The following NAALADL2 variants were observed in gnomAD, a reference collection of about 807,000 sequenced individuals.
NAALADL2 encodes inactive N-acetylated-alpha-linked acidic dipeptidase-like protein 2.
NAALADL2 carries 76 observed loss-of-function variants against 87.2 expected under a neutral mutation model. The observed-to-expected ratio is 0.87, with a 90% CI of 0.72 to 1.05. The LOEUF is 1.05. NAALADL2 is among the 50% of genes least tolerant of loss of function. The pLI, the probability that NAALADL2 is intolerant of heterozygous loss-of-function variation, is 0.00. For missense variants in NAALADL2, 1,089 were observed against 945.8 expected (o/e 1.15, Z -1.99); for synonymous variants, 354 against 331.0 (o/e 1.07, Z -0.75).
intron 3 of NAALADL2, among the ~76,000 whole-genome samples, chr3:175,238,079 C>T (rs1307103596): frequency 6.6e-6 from 1 of 151,568 alleles, no homozygotes; most frequent in East Asian, 1.9e-4. Context: ...TAAAATATTC[C>T]TGTGTAACCA....
chr3:175,113,614 C>T (rs1724574563), intron 2 of NAALADL2, among the ~76,000 whole-genome samples: 1 of 151,410 alleles, frequency 6.6e-6, no homozygotes, highest in Admixed American at 6.6e-5. Flanking sequence ...GAGTTTATCA[C>T]AGAAGAGCAA....
Position 175,234,206 on chromosome 3 carries a change from T to A in NAALADL2, c.819+2T>A. On this transcript the variant is annotated splice_donor_variant, in intron 3 of 13. Coordinates refer to ENST00000454872, the MANE Select transcript of NAALADL2 (RefSeq NM_207015.3). LOFTEE classifies it high-confidence loss of function. ...TATTCTGCCAAAGGAACTCTCAAGG[T>A]AATATGACCATTTGTCTCTGTCATT... The A allele has an allele frequency of 1.2e-6, 2 of 1,612,324 alleles. No individual in the cohort carries two copies. The highest frequency in any genetic ancestry group is 1.1e-5 in the South Asian group (1 of 90,918).
intron 2 of NAALADL2, among the ~76,000 whole-genome samples, chr3:175,154,585 ACT>A (rs1732027142): frequency 6.6e-6 from 1 of 152,136 alleles, no homozygotes; most frequent in African/African-American, 2.4e-5. Flanking sequence ...ATGTAAGAAC[ACT>A]GTGTGTATAC....
chr3:175,789,425 A>AT (rs1752513069), intron 13 of NAALADL2, among the ~76,000 whole-genome samples: 1 of 152,172 alleles, frequency 6.6e-6, no homozygotes, highest in Non-Finnish European at 1.5e-5. Context: ...ATCTTAATGT[A>AT]TTTTATACAA....
intron 5 of NAALADL2, among the ~76,000 whole-genome samples, chr3:175,439,731 C>CTTT (rs535237866): frequency 8.8e-6 from 1 of 113,782 alleles, no homozygotes; most frequent in East Asian, 2.7e-4. Flanking sequence ...GTTTTTTTTT[C>CTTT]TTTTTTTTCT....
intron 5 of NAALADL2, among the ~76,000 whole-genome samples, chr3:175,421,661 T>C (rs1159657967): frequency 2.0e-5 from 3 of 152,106 alleles, no homozygotes; most frequent in East Asian, 3.9e-4. Flanking sequence ...ATAGCCATAC[T>C]TTTTTGTTAC....
chr3:175,401,353 C>T (rs944770645), intron 5 of NAALADL2, among the ~76,000 whole-genome samples: 33 of 152,042 alleles, frequency 2.2e-4, no homozygotes, highest in African/African-American at 7.7e-4. Context: ...AACTCTTACT[C>T]AAAATGTTAG....
chr3:175,075,061 A>G (rs1263508203), intron 1 of NAALADL2, among the ~76,000 whole-genome samples: 1 of 152,152 alleles, frequency 6.6e-6, no homozygotes, highest in Non-Finnish European at 1.5e-5. Flanking sequence ...ACACTAATAT[A>G]TGCCAAGCAC....
At chr3:175,509,276 G>A (rs1020863581) in intron 9 of NAALADL2, among the ~76,000 whole-genome samples, 1 of 152,040 alleles carries the variant, frequency 6.6e-6, no homozygotes, top group Admixed American at 6.5e-5. Flanking sequence ...CCATCCTCAG[G>A]TGCCCCACAA....
chr3:175,423,401 T>A (rs1189835217), intron 5 of NAALADL2, among the ~76,000 whole-genome samples: 1 of 150,700 alleles, frequency 6.6e-6, no homozygotes, highest in Non-Finnish European at 1.5e-5. Context: ...TATCTCCTAA[T>A]GCTATCCCTC....
chr3:175,168,676 GT>G (rs1734340444), intron 2 of NAALADL2, among the ~76,000 whole-genome samples: 3 of 151,432 alleles, frequency 2.0e-5, no homozygotes, highest in African/African-American at 7.3e-5. Flanking sequence ...TATCTTTTTT[GT>G]TTTTATTTTT....
At chr3:175,067,362 A>G (rs148756379) in intron 1 of NAALADL2, among the ~76,000 whole-genome samples, 69 of 152,266 alleles carry the variant, frequency 4.5e-4, no homozygotes, top group Non-Finnish European at 8.1e-4. Context: ...CAGGACTAAT[A>G]TCTAGATTTC....
At chr3:174,955,035 G>A (rs919881735) in intron 1 of NAALADL2, among the ~76,000 whole-genome samples, 2 of 152,008 alleles carry the variant, frequency 1.3e-5, no homozygotes, top group Non-Finnish European at 2.9e-5. Flanking sequence ...GTAATTCAGA[G>A]TAAAATTCAT....
rs551259634 is a variant in NAALADL2 at position 174,647,617 on chromosome 3, C to T, written c.-114-90024C>T. On this transcript the variant is annotated intron_variant, in intron 2 of 3. Coordinates refer to the NAALADL2 transcript ENST00000434257. ...GCAAGACATATCTGAGAGCCAGTGCCATGGCCAATTTACACTGGGTGTGGG... is the reference window on the plus strand; with the variant it reads ...GCAAGACATATCTGAGAGCCAGTGCTATGGCCAATTTACACTGGGTGTGGG... Among the ~76,000 whole-genome samples the T allele has an allele frequency of 3.3e-5, 5 of 152,306 alleles. No homozygotes were observed. In the South Asian group the frequency reaches 1.0e-3, roughly 32 times the overall value.
Position 174,998,793 on chromosome 3 carries a change from C to T in NAALADL2, c.44-97997C>T, listed in dbSNP as rs1015475905. ...TTTTTAAGAATGATTTGCTCCATTCCAGGCAAAACCTATATTTTAATCTAT... is the reference window on the plus strand; with the variant it reads ...TTTTTAAGAATGATTTGCTCCATTCTAGGCAAAACCTATATTTTAATCTAT... On this transcript the variant is annotated intron_variant, in intron 1 of 13. Coordinates refer to ENST00000454872, the MANE Select transcript of NAALADL2 (RefSeq NM_207015.3). Among the ~76,000 whole-genome samples, 11 of 152,210 alleles carry T rather than the reference C, an allele frequency of 7.2e-5. No individual in the cohort carries two copies. In the East Asian group the frequency reaches 1.4e-3, roughly 19 times the overall value.
chr3:175,747,710 C>A (rs1408362367), intron 12 of NAALADL2, among the ~76,000 whole-genome samples: 1 of 151,624 alleles, frequency 6.6e-6, no homozygotes, highest in Admixed American at 6.6e-5. Context: ...ATTAAATATA[C>A]AATTTCAACT....
chr3:175,330,366 C>G (rs923428750), intron 5 of NAALADL2, among the ~76,000 whole-genome samples: 3 of 151,832 alleles, frequency 2.0e-5, no homozygotes, highest in Non-Finnish European at 4.4e-5. Flanking sequence ...ATCACTTGAG[C>G]CTTGAAGGTT....
intron 3 of NAALADL2, among the ~76,000 whole-genome samples, chr3:174,746,133 T>A (rs1734227509): frequency 6.6e-6 from 1 of 152,096 alleles, no homozygotes; most frequent in South Asian, 2.1e-4. Context: ...AGAGAGGAAG[T>A]CAAACTGTCT....
chr3:175,517,770 T>G (rs1189423770), intron 9 of NAALADL2, among the ~76,000 whole-genome samples: 2 of 152,018 alleles, frequency 1.3e-5, no homozygotes, highest in Non-Finnish European at 2.9e-5. Context: ...AAAACGGCTC[T>G]CTCTCTTGAG....
Sources: allele counts gnomAD v4.1 joint callset (sites outside exome capture counted in the v4.1 genomes callset), GRCh38; gene constraint gnomAD v4.1.1; transcripts MANE v1.5; gene names NCBI Gene and HGNC (gene_info 2026-07-23, HGNC 2026-07-21).